ATP6V1H: variants seen among roughly 807,000 people sequenced by gnomAD.
ATP6V1H encodes the protein ATPase H+ transporting V1 subunit H, also known as V-type proton ATPase subunit H.
ATP6V1H carries 39 observed loss-of-function variants against 71.7 expected under a neutral mutation model. The ratio of observed to expected loss-of-function variants is 0.54; its 90% CI spans 0.42 to 0.71. The LOEUF is 0.71. Among genes scored for constraint, ATP6V1H ranks in the 30% least tolerant of loss-of-function variants. The probability of loss-of-function intolerance (pLI) is 0.00; values close to 1 mark genes in which losing one functional copy is unlikely to be tolerated. For synonymous variants in ATP6V1H, 192 were observed against 199.3 expected (o/e 0.96, Z 0.31); for missense variants, 509 against 594.9 (o/e 0.86, Z 1.50).
At chr8:53,765,289 C>G (rs2130292833) in intron 11 of ATP6V1H, among the ~76,000 whole-genome samples, 1 of 151,430 alleles carries the variant, frequency 6.6e-6, no homozygotes, top group African/African-American at 2.4e-5. Context: ...GTAATCCCAG[C>G]TACTTAGGAG....
At position 53,789,542 on chromosome 8, in the gene ATP6V1H, T is replaced by TTA. The variant is rs538174763; in HGVS notation, c.870+6104_870+6105insTA. 2.2e-3 allele frequency among the ~76,000 whole-genome samples: 334 copies of TTA among 152,212 alleles called. 2 individuals carry two copies. The highest frequency in any genetic ancestry group is 7.8e-3 in the African/African-American group (323 of 41,538). The stretch of plus-strand genomic sequence containing the variant: ...ATAGAAACTTGCAGCACTTAAAATA[T>TTA]TCTAAATAATACCTTTAAAAGCCAT... On this transcript the variant is annotated intron_variant, in intron 9 of 13. Transcript: ENST00000359530.
chr8:53,738,589 C>T (rs1371859526), intron 13 of ATP6V1H, among the ~76,000 whole-genome samples: 4 of 152,210 alleles, frequency 2.6e-5, no homozygotes, highest in African/African-American at 9.7e-5. Flanking sequence ...CACACTTAGT[C>T]ATGTGCACCT....
chr8:53,741,567 C>A (rs1220275187), intron 13 of ATP6V1H, among the ~76,000 whole-genome samples: 1 of 152,090 alleles, frequency 6.6e-6, no homozygotes, highest in African/African-American at 2.4e-5. Flanking sequence ...AAATTAAATT[C>A]CTGAAAGAGA....
intron 4 of ATP6V1H, among the ~76,000 whole-genome samples, chr8:53,826,541 A>C (rs906302968): frequency 6.6e-6 from 1 of 152,206 alleles, no homozygotes; most frequent in African/African-American, 2.4e-5. Context: ...AAGTGAAACA[A>C]GCAAAAAATA....
intron 7 of ATP6V1H, among the ~76,000 whole-genome samples, chr8:53,810,403 G>A (rs1777768219): frequency 6.6e-6 from 1 of 151,816 alleles, no homozygotes; most frequent in African/African-American, 2.4e-5. Flanking sequence ...TCTTAATTAT[G>A]TAGATTATTT....
At chr8:53,793,475 C>G (rs755858428) in intron 9 of ATP6V1H, among the ~76,000 whole-genome samples, 2 of 151,970 alleles carry the variant, frequency 1.3e-5, no homozygotes, top group Non-Finnish European at 2.9e-5. Flanking sequence ...CCTGTCTCTA[C>G]AAAAGATTTT....
At chr8:53,836,490 T>G (rs965659822) in intron 2 of ATP6V1H, among the ~76,000 whole-genome samples, 2 of 152,164 alleles carry the variant, frequency 1.3e-5, no homozygotes, top group African/African-American at 4.8e-5. Flanking sequence ...GGGGCTCTGG[T>G]ATCTTCTAGA....
chr8:53,776,086 C>T (rs990716159), intron 9 of ATP6V1H, among the ~76,000 whole-genome samples: 4 of 152,216 alleles, frequency 2.6e-5, no homozygotes, highest in Non-Finnish European at 4.4e-5. Context: ...AGCGCAGCGC[C>T]GGTGGGCTGG....
intron 2 of ATP6V1H, among the ~76,000 whole-genome samples, chr8:53,841,254 G>A (rs1811331223): frequency 6.6e-6 from 1 of 152,160 alleles, no homozygotes; most frequent in Non-Finnish European, 1.5e-5. Context: ...GACCAGTCTA[G>A]CAGGTTTTGC....
At chr8:53,784,960 T>C (rs1426168119) in intron 9 of ATP6V1H, among the ~76,000 whole-genome samples, 1 of 152,178 alleles carries the variant, frequency 6.6e-6, no homozygotes, top group African/African-American at 2.4e-5. Flanking sequence ...TCTCTCTGGC[T>C]GCCCTTAACA....
At chr8:53,820,318 C>T (rs1810606315) in intron 4 of ATP6V1H, among the ~76,000 whole-genome samples, 1 of 151,148 alleles carries the variant, frequency 6.6e-6, no homozygotes, top group African/African-American at 2.4e-5. Context: ...GAAGAAGAAG[C>T]ATCTTTAGGA....
intron 2 of ATP6V1H, among the ~76,000 whole-genome samples, chr8:53,835,881 A>G (rs6994851): frequency 0.19 from 28,337 of 151,786 alleles, 4,481 homozygotes; most frequent in East Asian, 0.45. Flanking sequence ...TACTATGAAA[A>G]GCTCTCTTCA....
intron 3 of ATP6V1H, among the ~76,000 whole-genome samples, chr8:53,829,909 G>T (rs1810950068): frequency 6.6e-6 from 1 of 152,156 alleles, no homozygotes; most frequent in African/African-American, 2.4e-5. Context: ...AGCAACAAGA[G>T]TACCAGAGAT....
intron 4 of ATP6V1H, among the ~76,000 whole-genome samples, chr8:53,826,506 G>A (rs142475377): frequency 2.0e-5 from 3 of 152,068 alleles, no homozygotes; most frequent in Non-Finnish European, 4.4e-5. Flanking sequence ...GAACTGACAC[G>A]TAATGATTTC....
chr8:53,728,726 C>A (rs977065529), intron 13 of ATP6V1H, among the ~76,000 whole-genome samples: 11 of 152,338 alleles, frequency 7.2e-5, no homozygotes, highest in African/African-American at 2.4e-4. Flanking sequence ...CTTCCTCCTC[C>A]TCATCACATG....
Position 53,811,221 on chromosome 8 carries a change from T to A in ATP6V1H, c.526-4A>T, listed in dbSNP as rs377448184. ...CAACACCGCTACCACGCAGTTTCTA[T>A]TACGAAATAAATAACTCATTATTTA... On this transcript the variant is annotated splice_polypyrimidine_tract_variant and splice_region_variant and intron_variant, in intron 6 of 13. Coordinates refer to ENST00000359530, the MANE Select transcript of ATP6V1H (RefSeq NM_015941.4). The A allele has an allele frequency of 5.6e-6, 9 of 1,612,500 alleles. No individual in the cohort carries two copies. In the African/African-American group the frequency reaches 9.3e-5, roughly 17 times the overall value.
chr8:53,818,086 C>A (rs1211216711), intron 4 of ATP6V1H, among the ~76,000 whole-genome samples: 2 of 152,158 alleles, frequency 1.3e-5, no homozygotes, highest in African/African-American at 2.4e-5. Context: ...AGAGAAAATT[C>A]TTAGTTCCAA....
At chr8:53,762,966 T>C (rs977834848) in intron 11 of ATP6V1H, among the ~76,000 whole-genome samples, 6 of 152,226 alleles carry the variant, frequency 3.9e-5, no homozygotes, top group African/African-American at 1.4e-4. Flanking sequence ...ACAGTAAATA[T>C]ATCTTCTCTT....
At chr8:53,794,429 G>A (rs1274746983) in intron 9 of ATP6V1H, among the ~76,000 whole-genome samples, 6 of 151,928 alleles carry the variant, frequency 3.9e-5, no homozygotes, top group Admixed American at 2.6e-4. Flanking sequence ...GCAGTGGCGC[G>A]ATCTCGGCTC....
Sources: allele counts gnomAD v4.1 joint callset (sites outside exome capture counted in the v4.1 genomes callset), GRCh38; gene constraint gnomAD v4.1.1; transcripts MANE v1.5; gene names NCBI Gene and HGNC (gene_info 2026-07-23, HGNC 2026-07-21).